Variants in ENPP3 observed in about 807,000 individuals in gnomAD.
The protein encoded by ENPP3 is ectonucleotide pyrophosphatase/phosphodiesterase family member 3.
A neutral mutation model predicts 117.8 loss-of-function variants in ENPP3; 104 were observed. That is an observed-to-expected ratio of 0.88 (90% confidence interval 0.75 to 1.04). The LOEUF is 1.04. Among genes scored for constraint, ENPP3 ranks in the 50% least tolerant of loss-of-function variants. The pLI is 0.00. For missense variants in ENPP3, 1,026 were observed against 1,051.9 expected, an observed-to-expected ratio of 0.98 and a Z score of 0.34; for synonymous variants, 380 against 349.9, an observed-to-expected ratio of 1.09 and a Z score of -0.96.
chr6:131,697,538 G>T (rs1009965998), intron 15 of ENPP3, among the ~76,000 whole-genome samples: 3 of 151,666 alleles, frequency 2.0e-5, no homozygotes, highest in Non-Finnish European at 4.4e-5. Context: ...TATACAACTC[G>T]TTATACTGTA....
rs565965106 is a variant in ENPP3, at chr6:131,683,155, T to C, written c.1113T>C (p.Ala371=). 44 of 1,573,594 alleles carry C rather than the reference T, an allele frequency of 2.8e-5. No individual in the cohort carries two copies. Among genetic ancestry groups the C allele is most frequent in the Non-Finnish European group, 3.6e-5 (41 of 1,145,242 alleles). Residue 371 remains alanine, a synonymous_variant, in exon 12 of 25, where the codon GCT becomes GCC. Transcript: ENST00000357639. Reference sequence around the variant, plus strand: ...ACTGTGTCAATATCATCCTTCTGGCTGACCATGGTATGCTTTTAAAAAACA... The same window carrying C: ...ACTGTGTCAATATCATCCTTCTGGCCGACCATGGTATGCTTTTAAAAAACA... ...LHNCVNIILL[A]DHGMDQTYCN...
chr6:131,653,914 G>A (rs1252841479), intron 5 of ENPP3, among the ~76,000 whole-genome samples: 1 of 151,994 alleles, frequency 6.6e-6, no homozygotes, highest in Admixed American at 6.6e-5. Context: ...GTTTATCAGG[G>A]CTGCTCCGCT....
chr6:131,669,655 CAAAAAAAAAAAAAAA>C (rs67597128), intron 6 of ENPP3, among the ~76,000 whole-genome samples: 1 of 61,712 alleles, frequency 1.6e-5, no homozygotes, highest in Non-Finnish European at 2.8e-5. Flanking sequence ...GACTCCATCT[CAAAAAAAAAAAAAAA>C]AAAAAAAAAG....
At chr6:131,710,770 G>A in intron 15 of ENPP3, 4 of 1,612,942 alleles carry the variant, frequency 2.5e-6, no homozygotes, top group South Asian at 2.2e-5. Flanking sequence ...AATTAGTCCA[G>A]AAAGCGTTGC....
intron 14 of ENPP3, 129 bp downstream of exon 14, chr6:131,686,036 A>T (rs529986539): frequency 1.1e-5 from 5 of 468,414 alleles, no homozygotes; most frequent in Non-Finnish European, 2.0e-5. Flanking sequence ...ACCTTCCATC[A>T]ACATTATTTT....
intron 1 of ENPP3, among the ~76,000 whole-genome samples, chr6:131,637,974 T>C (rs1777962195): frequency 1.3e-5 from 2 of 152,028 alleles, no homozygotes; most frequent in Non-Finnish European, 2.9e-5. Flanking sequence ...TTTTTCTTTT[T>C]TTTAATTTTA....
chr6:131,689,593 T>C (rs1779233500), intron 14 of ENPP3, among the ~76,000 whole-genome samples: 1 of 152,206 alleles, frequency 6.6e-6, no homozygotes, highest in Non-Finnish European at 1.5e-5. Context: ...ACCCAAGAGT[T>C]CTGATGAAGA....
At chr6:131,664,192 C>A (rs1411139521) in intron 6 of ENPP3, among the ~76,000 whole-genome samples, 2 of 152,072 alleles carry the variant, frequency 1.3e-5, no homozygotes, top group African/African-American at 2.4e-5. Context: ...CCCCTGAAGA[C>A]CTTTCAGTAG....
At chr6:131,644,392 C>T (rs1166320931) in intron 2 of ENPP3, among the ~76,000 whole-genome samples, 5 of 152,162 alleles carry the variant, frequency 3.3e-5, no homozygotes, top group Non-Finnish European at 5.9e-5. Context: ...TTCCAATAAT[C>T]TGGGTAAGCC....
intron 14 of ENPP3, among the ~76,000 whole-genome samples, chr6:131,691,299 T>A (rs1214727956): frequency 3.3e-5 from 5 of 151,772 alleles, no homozygotes; most frequent in Admixed American, 3.3e-4. Context: ...AGATAAAATG[T>A]CAAAAACGGC....
chr6:131,740,014 G>A (rs1402958284), intron 23 of ENPP3, among the ~76,000 whole-genome samples: 1 of 151,602 alleles, frequency 6.6e-6, no homozygotes, highest in Non-Finnish European at 1.5e-5. Context: ...ATACCAGCTT[G>A]TATTCCTTTG....
chr6:131,653,517 T>C (rs1023283317), intron 5 of ENPP3, among the ~76,000 whole-genome samples: 1 of 152,174 alleles, frequency 6.6e-6, no homozygotes, highest in Non-Finnish European at 1.5e-5. Flanking sequence ...ATGGTCAGGA[T>C]TGAAACTTAG....
intron 14 of ENPP3, among the ~76,000 whole-genome samples, chr6:131,690,797 C>T (rs572553792): frequency 1.9e-4 from 29 of 151,608 alleles, no homozygotes; most frequent in Non-Finnish European, 2.9e-4. Flanking sequence ...TCTAGTATGC[C>T]GATCTTGAGT....
At chr6:131,723,825 T>TCACACA (rs780029112) in intron 18 of ENPP3, among the ~76,000 whole-genome samples, 57 of 140,898 alleles carry the variant, frequency 4.0e-4, no homozygotes, top group African/African-American at 9.8e-4. Flanking sequence ...TCTCTCTCTC[T>TCACACA]CTCACACACA....
intron 14 of ENPP3, among the ~76,000 whole-genome samples, chr6:131,689,037 A>T (rs1314950102): frequency 6.6e-6 from 1 of 151,988 alleles, no homozygotes; most frequent in Non-Finnish European, 1.5e-5. Context: ...CTGCACTCCA[A>T]CCTGGGCAAC....
At chr6:131,702,552 A>G (rs1350156880) in intron 15 of ENPP3, among the ~76,000 whole-genome samples, 1 of 151,278 alleles carries the variant, frequency 6.6e-6, no homozygotes, top group Non-Finnish European at 1.5e-5. Flanking sequence ...TGGGCTTACT[A>G]TTGATAAACA....
Position 131,709,719 on chromosome 6 carries a change from A to G in ENPP3, c.1413-8953A>G, listed in dbSNP as rs1295443067. On this transcript the variant is annotated intron_variant, in intron 15 of 24. Transcript: ENST00000357639. ...CTTCAAGATCTTTGGCTAGCTTTCT[A>G]TAGGTCTCCAGCTCTTCAGTGGCAT... 7 of 1,613,822 alleles carry G rather than the reference A, an allele frequency of 4.3e-6. No homozygotes were observed. In the South Asian group the frequency reaches 5.5e-5, roughly 13 times the overall value.
intron 6 of ENPP3, among the ~76,000 whole-genome samples, chr6:131,663,007 T>C (rs1359931725): frequency 6.6e-6 from 1 of 152,200 alleles, no homozygotes; most frequent in Admixed American, 6.5e-5. Flanking sequence ...GATTTTTGTA[T>C]GTTGATTTTG....
chr6:131,744,826 CA>C (rs1780600426), intron 24 of ENPP3, among the ~76,000 whole-genome samples: 1 of 152,008 alleles, frequency 6.6e-6, no homozygotes, highest in Non-Finnish European at 1.5e-5. Flanking sequence ...CACACACACA[CA>C]CACACACATA....
Sources: gnomAD v4.1 joint callset for allele counts (sites outside exome capture counted in the v4.1 genomes callset) on GRCh38, gnomAD v4.1.1 for gene constraint, MANE v1.5 for transcripts, NCBI Gene and HGNC (gene_info 2026-07-23, HGNC 2026-07-21) for gene names.